Variants in TENM2 observed in about 807,000 individuals in gnomAD.
The protein encoded by TENM2 is teneurin-2.
Under a neutral mutation model 245.2 loss-of-function variants are expected in TENM2, and 52 were observed. The ratio of observed to expected loss-of-function variants is 0.21; its 90% CI spans 0.17 to 0.27. The LOEUF (loss-of-function observed/expected upper bound fraction) is 0.27, where lower values mean the gene tolerates loss of function less well. Among genes scored for constraint, TENM2 ranks in the 10% least tolerant of loss-of-function variants. The pLI, the probability that TENM2 is intolerant of heterozygous loss-of-function variation, is 1.00. For missense variants in TENM2, 3,046 were observed against 3,666.8 expected, an observed-to-expected ratio of 0.83 and a Z score of 4.37; for synonymous variants, 1,363 against 1,438.9, an observed-to-expected ratio of 0.95 and a Z score of 1.19.
At chr5:167,043,750 G>T in the TENM2 span, among the ~76,000 whole-genome samples, 1 of 152,146 alleles carries the variant, frequency 6.6e-6, no homozygotes, top group Admixed American at 6.5e-5. Flanking sequence ...GGTGGCTCAC[G>T]CCTGTAATCC....
chr5:167,902,424 C>T (rs1775777903), intron 3 of TENM2, among the ~76,000 whole-genome samples: 2 of 152,078 alleles, frequency 1.3e-5, no homozygotes, highest in African/African-American at 2.4e-5. Flanking sequence ...GTTTTAATTA[C>T]CTTACTCTTC....
At chr5:167,065,693 G>A in the TENM2 span, among the ~76,000 whole-genome samples, 1 of 152,158 alleles carries the variant, frequency 6.6e-6, no homozygotes, top group African/African-American at 2.4e-5. Flanking sequence ...AATCAATTCT[G>A]GCTATTGGTA....
exon 21 of TENM2, chr5:168,215,133 C>G (rs541686088): frequency 1.4e-5 from 23 of 1,613,790 alleles, no homozygotes; most frequent in Non-Finnish European, 1.9e-5. Flanking sequence ...TCTACCGCGT[C>G]AAGTCTCTGA....
the TENM2 span, among the ~76,000 whole-genome samples, chr5:167,149,032 T>A: frequency 2.0e-5 from 3 of 152,280 alleles, no homozygotes; most frequent in East Asian, 1.9e-4. Context: ...TTTCTTTTTT[T>A]TATACTTTAA....
intron 3 of TENM2, among the ~76,000 whole-genome samples, chr5:167,943,079 C>T (rs1383044809): frequency 6.6e-6 from 1 of 152,232 alleles, no homozygotes; most frequent in African/African-American, 2.4e-5. Context: ...TGACATTCAG[C>T]TGGCTTCTGT....
chr5:167,923,001 C>T (rs1434243500), intron 3 of TENM2, among the ~76,000 whole-genome samples: 3 of 152,202 alleles, frequency 2.0e-5, no homozygotes, highest in Non-Finnish European at 4.4e-5. Context: ...GATGCTTCCC[C>T]CCAGTGCCTC....
chr5:166,998,242 A>C, the TENM2 span, among the ~76,000 whole-genome samples: 1 of 152,192 alleles, frequency 6.6e-6, no homozygotes. Context: ...AAGCGAGTCC[A>C]TGATAAGATT....
At chr5:167,846,582 T>C (rs940155768) in intron 2 of TENM2, among the ~76,000 whole-genome samples, 9 of 152,150 alleles carry the variant, frequency 5.9e-5, no homozygotes, top group African/African-American at 2.2e-4. Context: ...TTCCAAAAGA[T>C]TGAGATGAAG....
chr5:167,935,426 TAA>T (rs1491531468), intron 3 of TENM2, among the ~76,000 whole-genome samples: 1 of 152,198 alleles, frequency 6.6e-6, no homozygotes, highest in Non-Finnish European at 1.5e-5. Context: ...ACAGCTATGT[TAA>T]TTACACCACA....
At chr5:168,115,819 G>A (rs928519782) in intron 9 of TENM2, among the ~76,000 whole-genome samples, 1 of 152,146 alleles carries the variant, frequency 6.6e-6, no homozygotes, top group Non-Finnish European at 1.5e-5. Context: ...CTGCCTGCTT[G>A]CCGGTCTCAG....
chr5:167,839,588 T>C (rs1351977909), intron 2 of TENM2, among the ~76,000 whole-genome samples: 1 of 152,038 alleles, frequency 6.6e-6, no homozygotes, highest in Non-Finnish European at 1.5e-5. Flanking sequence ...TATGTATGTG[T>C]TTAAAGAATG....
the TENM2 span, among the ~76,000 whole-genome samples, chr5:167,272,005 A>C: frequency 6.6e-6 from 1 of 152,086 alleles, no homozygotes; most frequent in East Asian, 1.9e-4. Flanking sequence ...CTCTCTGTAA[A>C]TATTTTGGAG....
chr5:167,835,967 T>C (rs1055604925), intron 2 of TENM2, among the ~76,000 whole-genome samples: 1 of 152,190 alleles, frequency 6.6e-6, no homozygotes, highest in Non-Finnish European at 1.5e-5. Context: ...TGTATTTTTT[T>C]AAAATACACA....
the TENM2 span, among the ~76,000 whole-genome samples, chr5:167,248,398 C>T: frequency 5.3e-5 from 8 of 152,256 alleles, no homozygotes; most frequent in African/African-American, 1.9e-4. Flanking sequence ...CAGAATCCCA[C>T]GGAGGGTTCC....
At chr5:167,492,878 C>T (rs1768524006) in intron 2 of TENM2, among the ~76,000 whole-genome samples, 1 of 152,028 alleles carries the variant, frequency 6.6e-6, no homozygotes, top group Admixed American at 6.6e-5. Flanking sequence ...CCCTGAAATT[C>T]AGAACCAGTC....
At chr5:167,058,017 G>A in the TENM2 span, among the ~76,000 whole-genome samples, 2 of 152,052 alleles carry the variant, frequency 1.3e-5, no homozygotes, top group South Asian at 4.1e-4. Flanking sequence ...TTCTGCTTGT[G>A]GCTTTCTGCT....
intron 1 of TENM2, among the ~76,000 whole-genome samples, chr5:167,348,805 A>G (rs189034369): frequency 3.3e-5 from 5 of 152,330 alleles, no homozygotes; most frequent in Non-Finnish European, 7.4e-5. Context: ...TCATGCCGTT[A>G]CAATAATACT....
chr5:167,090,760 G>A, the TENM2 span, among the ~76,000 whole-genome samples: 4 of 152,176 alleles, frequency 2.6e-5, no homozygotes, highest in Non-Finnish European at 5.9e-5. Context: ...GTAGTTGGTG[G>A]TGGTGTTAAA....
chr5:167,568,809 G>C (rs1414340451), intron 2 of TENM2, among the ~76,000 whole-genome samples: 4 of 152,014 alleles, frequency 2.6e-5, no homozygotes, highest in African/African-American at 9.7e-5. Flanking sequence ...GTTCCAGATT[G>C]TTTTAGTATT....
Sources: allele counts gnomAD v4.1 joint callset (sites outside exome capture counted in the v4.1 genomes callset), GRCh38; gene constraint gnomAD v4.1.1; transcripts MANE v1.5; gene names NCBI Gene and HGNC (gene_info 2026-07-23, HGNC 2026-07-21).